The following SMAD9 variants were observed in gnomAD, a reference collection of about 807,000 sequenced individuals.
SMAD9 encodes SMAD family member 9, also known as MAD homolog 9.
Under a neutral mutation model 46.1 loss-of-function variants are expected in SMAD9, and 36 were observed. The ratio of observed to expected loss-of-function variants is 0.78; its 90% CI spans 0.60 to 1.03. SMAD9 has a LOEUF of 1.03. Ranked by LOEUF, SMAD9 falls within the 50% of genes least tolerant of loss-of-function variation. The pLI is 0.00. For missense variants in SMAD9, 572 were observed against 599.8 expected (o/e 0.95, Z 0.48); for synonymous variants, 245 against 237.1 (o/e 1.03, Z -0.31).
chr13:36,902,892 A>T (rs1409017981), intron 1 of SMAD9, among the ~76,000 whole-genome samples: 1 of 152,224 alleles, frequency 6.6e-6, no homozygotes, highest in African/African-American at 2.4e-5. Flanking sequence ...TAGCACCTAG[A>T]ATAGAGCCTG....
chr13:36,873,050 G>C (rs991900194), intron 2 of SMAD9, 135 bp from the exon 3 acceptor site: 1 of 962,024 alleles, frequency 1.0e-6, no homozygotes, highest in African/African-American at 1.6e-5. Flanking sequence ...ACTCCCATTA[G>C]TCTTTGTGCT....
chr13:36,916,382 G>A (rs1395349745), intron 1 of SMAD9, among the ~76,000 whole-genome samples: 1 of 152,300 alleles, frequency 6.6e-6, no homozygotes, highest in South Asian at 2.1e-4. Context: ...TTTCCTGACT[G>A]TAATGCTCAG....
intron 5 of SMAD9, among the ~76,000 whole-genome samples, chr13:36,856,101 G>A (rs191206632): frequency 5.9e-5 from 9 of 152,206 alleles, no homozygotes; most frequent in East Asian, 3.9e-4. Context: ...GGACCCTCAC[G>A]ATCATAAAGA....
intron 5 of SMAD9, among the ~76,000 whole-genome samples, chr13:36,854,181 A>T (rs1264492819): frequency 6.6e-6 from 1 of 152,032 alleles, no homozygotes; most frequent in African/African-American, 2.4e-5. Context: ...AAATAAAAAT[A>T]AAAAAATAAA....
rs1593548513 is a variant in SMAD9 at position 36,853,573 on chromosome 13, T to G, written c.1106A>C (p.His369Pro). The G allele has an allele frequency of 6.2e-7, 1 of 1,614,152 alleles. No individual in the cohort carries two copies. Among genetic ancestry groups the G allele is most frequent in the Non-Finnish European group, 8.5e-7 (1 of 1,180,040 alleles). The change falls in exon 6 of 7, where the codon CAC (histidine) becomes CCC (proline). Residue 369 changes from histidine to proline, a missense_variant. His to Pro is a moderately conservative substitution (Grantham distance 77, BLOSUM62 -2). Coordinates refer to ENST00000379826, the MANE Select transcript of SMAD9 (RefSeq NM_001127217.3). ...SRNCNYQHGF[H>P]PATVCKIPSG... ...GGGGATCTTGCAGACGGTAGCTGGG[T>G]GGAAGCCGTGTTGATAGTTGCAGTT...
At chr13:36,858,216 T>C (rs1323716971) in intron 5 of SMAD9, among the ~76,000 whole-genome samples, 1 of 151,974 alleles carries the variant, frequency 6.6e-6, no homozygotes, top group Non-Finnish European at 1.5e-5. Context: ...TAAAAAAAAA[T>C]ACTAATAATA....
At chr13:36,914,411 T>C (rs1007971954) in intron 1 of SMAD9, among the ~76,000 whole-genome samples, 1 of 151,988 alleles carries the variant, frequency 6.6e-6, no homozygotes, top group African/African-American at 2.4e-5. Flanking sequence ...CCCAGCTACT[T>C]GGGAGGCTGA....
At chr13:36,863,570 G>T (rs1259010490) in intron 5 of SMAD9, among the ~76,000 whole-genome samples, 1 of 152,184 alleles carries the variant, frequency 6.6e-6, no homozygotes, top group Non-Finnish European at 1.5e-5. Flanking sequence ...CAATATTGGA[G>T]GTGGGGCTTG....
chr13:36,847,765 A>G lies in SMAD9; in HGVS notation c.*911T>C, dbSNP rs1186288978. 6.6e-6 allele frequency: 1 copy of G among 152,232 alleles called. No individual in the cohort carries two copies. The highest frequency in any genetic ancestry group is 1.5e-5 in the Non-Finnish European group (1 of 68,040). The allele number at this position is 152,232 out of a possible 1,614,324, so 9.4% of individuals were successfully genotyped here. On this transcript the variant is annotated 3_prime_UTR_variant, in exon 7 of 7. Transcript: ENST00000379826. ...AGTCGACGTGTGATGCTTTTCTCCA[A>G]CCTTTGGTTTCACCTGCTTCTTGAC... is the stretch of plus-strand genomic sequence containing the variant.
rs375005033 is a variant in SMAD9 at position 36,878,588 on chromosome 13, T to A, written c.412+690A>T. 3.5e-4 allele frequency among the ~76,000 whole-genome samples: 53 copies of A among 152,346 alleles called. 2 individuals carry two copies. Among genetic ancestry groups the A allele is most frequent in the African/African-American group, 1.3e-3 (53 of 41,576 alleles). ...CTGTACTTAAAACCATTTTTAAAAA[T>A]AACTGCCTGGAATGATTTCCAGCAA... On this transcript the variant is annotated intron_variant, in intron 2 of 6. Coordinates refer to ENST00000379826, the MANE Select transcript of SMAD9 (RefSeq NM_001127217.3).
At chr13:36,909,322 G>A (rs1351755657) in intron 1 of SMAD9, among the ~76,000 whole-genome samples, 3 of 152,062 alleles carry the variant, frequency 2.0e-5, no homozygotes, top group Non-Finnish European at 2.9e-5. Context: ...GGTTTAGAAT[G>A]TTCTATATTT....
chr13:36,872,691 G>T lies in SMAD9; in HGVS notation c.637C>A (p.Pro213Thr). The change falls in exon 3 of 7, where the codon CCT becomes ACT. Residue 213 changes from proline to threonine, a missense_variant. Coordinates refer to ENST00000379826, the MANE Select transcript of SMAD9 (RefSeq NM_001127217.3). ...TASYPHSPGSPSEPESPYQHS... is the reference protein window; with the variant it reads ...TASYPHSPGSTSEPESPYQHS... ...TGATAGGGACTCTCTGGCTCAGAAGGACTTCCTGGGGAGTGAGGGTAGCTG... is the reference window on the plus strand; with the variant it reads ...TGATAGGGACTCTCTGGCTCAGAAGTACTTCCTGGGGAGTGAGGGTAGCTG... The T allele has an allele frequency of 6.2e-7, 1 of 1,614,024 alleles. No homozygotes were observed. The highest frequency in any genetic ancestry group is 8.5e-7 in the Non-Finnish European group (1 of 1,180,004).
chr13:36,916,097 T>C lies in SMAD9; in HGVS notation c.-187+4019A>G, dbSNP rs540221875. 3.9e-5 allele frequency among the ~76,000 whole-genome samples: 6 copies of C among 152,344 alleles called. No homozygotes were observed. In the East Asian group the frequency reaches 1.2e-3, roughly 29 times the overall value. On this transcript the variant is annotated intron_variant, in intron 1 of 6. Coordinates refer to ENST00000379826, the MANE Select transcript of SMAD9 (RefSeq NM_001127217.3). The stretch of plus-strand genomic sequence containing the variant: ...AACAAGACCCTTTACACATCCAACG[T>C]GAACAAAGCAGCAGCTCATCTCAGT...
At chr13:36,888,855 G>C (rs886757142) in intron 1 of SMAD9, among the ~76,000 whole-genome samples, 4 of 152,098 alleles carry the variant, frequency 2.6e-5, no homozygotes, top group African/African-American at 9.7e-5. Context: ...TAATATAATA[G>C]CTTAGAGAGG....
intron 3 of SMAD9, 49 bp from the exon 4 acceptor site, chr13:36,867,432 CAA>C: frequency 7.9e-7 from 1 of 1,269,372 alleles, no homozygotes; most frequent in Non-Finnish European, 1.1e-6. Context: ...ATAAACCACA[CAA>C]AGACAGTTGG....
chr13:36,911,206 C>A (rs977734072), intron 1 of SMAD9, among the ~76,000 whole-genome samples: 1 of 151,984 alleles, frequency 6.6e-6, no homozygotes. Flanking sequence ...GAAGGGTTTT[C>A]ACCATGTTGT....
intron 1 of SMAD9, among the ~76,000 whole-genome samples, chr13:36,906,862 A>G (rs2058624018): frequency 1.3e-5 from 2 of 152,236 alleles, no homozygotes; most frequent in African/African-American, 4.8e-5. Flanking sequence ...GAGCCTCAAA[A>G]AAGTAAACGT....
Position 36,848,340 on chromosome 13 carries a change from C to T in SMAD9, c.*336G>A. 3.2e-6 allele frequency: 1 copy of T among 313,806 alleles called. No homozygotes were observed. The highest frequency in any genetic ancestry group is 3.5e-5 in the South Asian group (1 of 28,830). The allele number at this position is 313,806 out of a possible 1,614,324, so 19.4% of individuals were successfully genotyped here. ...CAGTTTCAATGTTTCTGTGAGGCCA[C>T]ACAACATGCTTTATAATGACACGGC... On this transcript the variant is annotated 3_prime_UTR_variant, in exon 7 of 7. Transcript: ENST00000379826.
intron 1 of SMAD9, among the ~76,000 whole-genome samples, chr13:36,915,581 T>C (rs2058692841): frequency 6.6e-6 from 1 of 152,150 alleles, no homozygotes; most frequent in South Asian, 2.1e-4. Flanking sequence ...TGATATTTAA[T>C]ATCTAAAAAA....
Sources: gnomAD v4.1 joint callset for allele counts (sites outside exome capture counted in the v4.1 genomes callset) on GRCh38, gnomAD v4.1.1 for gene constraint, MANE v1.5 for transcripts, NCBI Gene and HGNC (gene_info 2026-07-23, HGNC 2026-07-21) for gene names.